PER3: variants seen among roughly 807,000 people sequenced by gnomAD.
PER3 encodes the protein period circadian regulator 3.
PER3 carries 107 observed loss-of-function variants against 127.2 expected under a neutral mutation model. That is an observed-to-expected ratio of 0.84 (90% CI 0.72 to 0.99). The LOEUF is 0.99. Among genes scored for constraint, PER3 ranks in the 50% least tolerant of loss-of-function variants. PER3 has a pLI of 0.00. For missense variants in PER3, 1,560 were observed against 1,525.8 expected, an observed-to-expected ratio of 1.02 and a Z score of -0.37; for synonymous variants, 618 against 585.8, an observed-to-expected ratio of 1.05 and a Z score of -0.79.
intron 10 of PER3, among the ~76,000 whole-genome samples, chr1:7,806,812 A>AAAAAAATATAT (rs61141023): frequency 1.3e-4 from 8 of 60,628 alleles, no homozygotes; most frequent in African/African-American, 5.5e-4. Flanking sequence ...AAAAAAAAAA[A>AAAAAAATATAT]ATATATATAT....
rs191955069 is a variant in PER3 at position 7,788,143 on chromosome 1, G to A, written c.489G>A (p.Ala163=). 6.8e-5 allele frequency: 109 copies of A among 1,613,846 alleles called. No homozygotes were observed. In the African/African-American group the frequency reaches 1.1e-3, roughly 16 times the overall value. Residue 163 remains alanine, a synonymous_variant, in exon 5 of 22, where the codon GCG becomes GCA. Coordinates refer to ENST00000377532, the MANE Select transcript of PER3 (RefSeq NM_001377275.1). ...TGAATCGTAAGAAAGATGTCCTGGC[G>A]TCTTCTCACTTTGTTGACCTGCTTG... ...LILNRKKDVL[A]SSHFVDLLAP...
At position 7,844,957 on chromosome 1, in the gene PER3, G is replaced by A. The variant is rs1423008776; in HGVS notation, c.*2202G>A. On this transcript the variant is annotated 3_prime_UTR_variant, in exon 22 of 22. Transcript: ENST00000377532. ...AAAAGCTGTGTTTTCTTTGGTCAGAGGTCAAAATTTATGAAAAACAAAATG... is the reference window on the plus strand; with the variant it reads ...AAAAGCTGTGTTTTCTTTGGTCAGAAGTCAAAATTTATGAAAAACAAAATG... 1 of 152,298 alleles carries A rather than the reference G, an allele frequency of 6.6e-6. No individual in the cohort carries two copies. The allele number at this position is 152,298 out of a possible 1,614,324, so 9.4% of individuals were successfully genotyped here.
Position 7,820,133 on chromosome 1 carries a change from C to A in PER3, c.1677C>A (p.Asn559Lys). Reference sequence around the variant, plus strand: ...GTTACAGATACCTGAAGAGCTACAACATTCCAGCTTTGAAAAGAAAGTGTA... The same window carrying A: ...GTTACAGATACCTGAAGAGCTACAAAATTCCAGCTTTGAAAAGAAAGTGTA... ...DSVIRYLKSY[N>K]IPALKRKCIS... is the part of the protein sequence containing the mutation. Residue 559 changes from asparagine to lysine, a missense_variant, in exon 15 of 22, where the codon AAC (asparagine) becomes AAA (lysine). Asn to Lys is a moderately conservative substitution (Grantham distance 94, BLOSUM62 0). This residue lies in a region of PER3 where 1,332 missense variants were observed against 1,223.6 expected (regional missense o/e 1.09). Transcript: ENST00000377532. 1.2e-6 allele frequency: 2 copies of A among 1,613,610 alleles called. No individual in the cohort carries two copies. Among genetic ancestry groups the A allele is most frequent in the Non-Finnish European group, 1.7e-6 (2 of 1,179,632 alleles).
intron 5 of PER3, among the ~76,000 whole-genome samples, chr1:7,791,017 G>A (rs1178216490): frequency 6.6e-6 from 1 of 152,172 alleles, no homozygotes; most frequent in Non-Finnish European, 1.5e-5. Flanking sequence ...TTGAGTGTCT[G>A]TGGCTTTTCT....
At position 7,826,509 on chromosome 1, in the gene PER3, T is replaced by C; in HGVS notation, c.1987T>C (p.Trp663Arg). Residue 663 changes from tryptophan (W) to arginine (R), a missense_variant, in exon 17 of 22, where the codon TGG becomes CGG. This residue lies in a region of PER3 where 1,332 missense variants were observed against 1,223.6 expected (regional missense o/e 1.09). Transcript: ENST00000377532. This position sits in a 1 kb window ranked among gnomAD's most constrained non-coding sequence, Gnocchi z 4.2. The stretch of plus-strand genomic sequence containing the variant: ...GGATGCTACCCTCTTCTGTGAGCCC[T>C]GGACCCTGAACATGCAGCCAGCCCC... ...ARDATLFCEP[W>R]TLNMQPAPLT... The C allele has an allele frequency of 1.2e-6, 2 of 1,613,444 alleles. No individual in the cohort carries two copies. The highest frequency in any genetic ancestry group is 1.7e-6 in the Non-Finnish European group (2 of 1,179,340).
Position 7,798,612 on chromosome 1 carries a change from A to G in PER3, c.732A>G (p.Pro244=), listed in dbSNP as rs2097156405. 1 of 1,613,866 alleles carries G rather than the reference A, an allele frequency of 6.2e-7. No individual in the cohort carries two copies. Among genetic ancestry groups the G allele is most frequent in the Non-Finnish European group, 8.5e-7 (1 of 1,179,702 alleles). The change falls in exon 7 of 22, where the codon CCA becomes CCG. Residue 244 remains proline, a synonymous_variant. Coordinates refer to ENST00000377532, the MANE Select transcript of PER3 (RefSeq NM_001377275.1). Reference sequence around the variant, plus strand: ...TTCATGTACATCACCCTGCCCAGCCAGAATTGGAATCGGAACCTTGCTGTC... The same window carrying G: ...TTCATGTACATCACCCTGCCCAGCCGGAATTGGAATCGGAACCTTGCTGTC... The part of the protein sequence containing the change: ...YLIHVHHPAQ[P]ELESEPCCLT...
intron 21 of PER3, 132 bp downstream of exon 21, chr1:7,837,281 T>G (rs942291283): frequency 3.2e-6 from 2 of 634,614 alleles, no homozygotes; most frequent in Non-Finnish European, 5.3e-6. Context: ...GTAGGTGTTA[T>G]TATTCCCTCT....
At chr1:7,803,600 T>G in intron 9 of PER3, 92 bp from the exon 10 acceptor site, 2 of 845,870 alleles carry the variant, frequency 2.4e-6, no homozygotes, top group Non-Finnish European at 3.6e-6. Flanking sequence ...AAAAAACCAC[T>G]AAAACATTTA....
chr1:7,801,969 T>C (rs999683208), intron 8 of PER3, among the ~76,000 whole-genome samples: 1 of 152,106 alleles, frequency 6.6e-6, no homozygotes, highest in African/African-American at 2.4e-5. Context: ...ATTTAACATC[T>C]GAAAATCAGT....
Position 7,809,907 on chromosome 1 carries a change from C to T in PER3, c.1257C>T (p.Ser419=), listed in dbSNP as rs759819936. 1.4e-5 allele frequency: 22 copies of T among 1,613,854 alleles called. No homozygotes were observed. Among genetic ancestry groups the T allele is most frequent in the East Asian group, 1.3e-4 (6 of 44,902 alleles). Reference sequence around the variant, plus strand: ...TGTCCTTCCAGCCAGTTCACGTGAGCGTGTCCAGCGGCTACGGGAGCCTGG... The same window carrying T: ...TGTCCTTCCAGCCAGTTCACGTGAGTGTGTCCAGCGGCTACGGGAGCCTGG... ...YKLLLQPVHV[S]VSSGYGSLGS... Residue 419 remains serine (S), a synonymous_variant, in exon 12 of 22, where the codon AGC becomes AGT. Coordinates refer to ENST00000377532, the MANE Select transcript of PER3 (RefSeq NM_001377275.1).
chr1:7,811,779 G>T (rs1212188756), intron 13 of PER3, among the ~76,000 whole-genome samples: 1 of 152,132 alleles, frequency 6.6e-6, no homozygotes, highest in Non-Finnish European at 1.5e-5. Context: ...TAGGAGTCAT[G>T]GGGGACACAC....
intron 4 of PER3, 38 bp from the exon 5 acceptor site, chr1:7,788,007 A>G (rs773508531): frequency 7.4e-7 from 1 of 1,358,562 alleles, no homozygotes; most frequent in Admixed American, 1.7e-5. Context: ...GCTAGTGAGT[A>G]TCTCAATATT....
chr1:7,811,726 G>A (rs697687), intron 13 of PER3: 112 of 152,314 alleles, frequency 7.4e-4, no homozygotes, highest in African/African-American at 2.4e-3. Context: ...ACTTCCTAAA[G>A]GCCGTGGCTG....
rs2097301854 is a variant in PER3, at chr1:7,826,440, T to C, written c.1958-40T>C. On this transcript the variant is annotated intron_variant, in intron 16 of 21. Transcript: ENST00000377532. This position sits in a 1 kb window ranked among gnomAD's most constrained non-coding sequence, Gnocchi z 4.2. ...ACAAAGTAAAATAAATACAAATAAT[T>C]GATAGGAATTAAAATTAAATATGTC... The C allele has an allele frequency of 1.9e-6, 2 of 1,073,618 alleles. No individual in the cohort carries two copies. Among genetic ancestry groups the C allele is most frequent in the East Asian group, 5.0e-5 (2 of 40,096 alleles). The allele number at this position is 1,073,618 out of a possible 1,614,324, so 66.5% of individuals were successfully genotyped here. A position where few individuals can be genotyped will look rare whatever the true frequency, so the allele number is the denominator to read the frequency against.
Position 7,827,194 on chromosome 1 carries a change from G to A in PER3, c.2265G>A (p.Pro755=), listed in dbSNP as rs373668726. The part of the protein sequence containing the change: ...GKHKRKKLPE[P]PDSSSSNTGS... Reference sequence around the variant, plus strand: ...ACAAGCGGAAGAAGCTGCCGGAGCCGCCAGACAGCAGCAGCTCGAACACCG... The same window carrying A: ...ACAAGCGGAAGAAGCTGCCGGAGCCACCAGACAGCAGCAGCTCGAACACCG... Residue 755 remains proline, a synonymous_variant, in exon 18 of 22, where the codon CCG becomes CCA. Transcript: ENST00000377532. 1.2e-5 allele frequency: 19 copies of A among 1,613,382 alleles called. No individual in the cohort carries two copies. The African/African-American group carries it at 2.1e-4, about 18-fold the overall frequency.
rs1049314635 is a variant in PER3, at chr1:7,785,016, G to A, written c.128+11G>A. The A allele has an allele frequency of 2.4e-5, 37 of 1,570,828 alleles. No homozygotes were observed. The Admixed American group carries it at 7.5e-4, about 32-fold the overall frequency. On this transcript the variant is annotated intron_variant, in intron 2 of 21. Transcript: ENST00000377532. ...GGACAGCAGCCACAGGTGACGCGCTGGCTTCAGGCCGAGGGCCCCATGCGT... is the reference window on the plus strand; with the variant it reads ...GGACAGCAGCCACAGGTGACGCGCTAGCTTCAGGCCGAGGGCCCCATGCGT...
At chr1:7,822,079 C>T (rs566916949) in intron 16 of PER3, among the ~76,000 whole-genome samples, 1 of 152,066 alleles carries the variant, frequency 6.6e-6, no homozygotes, top group Non-Finnish European at 1.5e-5. Context: ...GTTGCCATTA[C>T]AGATACTTTG....
chr1:7,820,464 C>G lies in PER3; in HGVS notation c.1784-3C>G. On this transcript the variant is annotated splice_polypyrimidine_tract_variant and splice_region_variant and intron_variant, in intron 15 of 21. Coordinates refer to ENST00000377532, the MANE Select transcript of PER3 (RefSeq NM_001377275.1). ...TCACTGTCAGTTTCTCTTACACCAC[C>G]AGCTGGTTTGCAAATCCCAGCCATA... 4 of 1,607,788 alleles carry G rather than the reference C, an allele frequency of 2.5e-6. No individual in the cohort carries two copies. Among genetic ancestry groups the G allele is most frequent in the Non-Finnish European group, 2.5e-6 (3 of 1,177,324 alleles).
Position 7,810,597 on chromosome 1 carries a change from G to A in PER3, c.1522+9G>A. ...GTCAGCGAATGGTGGTGGTGAGTCA[G>A]CCGGCAGCCCCAAGGATCTCCTTCC... On this transcript the variant is annotated intron_variant, in intron 13 of 21. Transcript: ENST00000377532. 6.2e-7 allele frequency: 1 copy of A among 1,603,274 alleles called. No homozygotes were observed. Among genetic ancestry groups the A allele is most frequent in the Non-Finnish European group, 8.5e-7 (1 of 1,175,878 alleles).
Sources: gnomAD v4.1 joint callset for allele counts (sites outside exome capture counted in the v4.1 genomes callset) on GRCh38, gnomAD v4.1.1 for gene constraint, gnomAD v4.1.1 regional missense constraint, Gnocchi (gnomAD v3.1) non-coding constraint, MANE v1.5 for transcripts, NCBI Gene and HGNC (gene_info 2026-07-23, HGNC 2026-07-21) for gene names.